RIMS2: variants seen among roughly 807,000 people sequenced by gnomAD.
RIMS2 encodes the protein regulating synaptic membrane exocytosis protein 2.
Under a neutral mutation model 174.4 loss-of-function variants are expected in RIMS2, and 59 were observed. That is an observed-to-expected ratio of 0.34 (90% CI 0.27 to 0.42). The LOEUF is 0.42. RIMS2 is among the 10% of genes least tolerant of loss of function. The pLI, the probability that RIMS2 is intolerant of heterozygous loss-of-function variation, is 1.00. For missense variants in RIMS2, 1,620 were observed against 1,666.3 expected (o/e 0.97, Z 0.48); for synonymous variants, 606 against 572.5 (o/e 1.06, Z -0.84).
chr8:103,899,596 T>C (rs534343032), intron 4 of RIMS2, among the ~76,000 whole-genome samples: 1 of 151,656 alleles, frequency 6.6e-6, no homozygotes, highest in South Asian at 2.1e-4. Context: ...TTTGTTTGAG[T>C]TCTTTGTAGA....
chr8:103,650,124 C>T (rs984845635), intron 1 of RIMS2, among the ~76,000 whole-genome samples: 9 of 151,996 alleles, frequency 5.9e-5, no homozygotes, highest in South Asian at 2.1e-4. Flanking sequence ...TTTTTATTGA[C>T]GTTGTTGTTG....
Position 103,568,993 on chromosome 8 carries a change from G to A in RIMS2, c.176+67931G>A, listed in dbSNP as rs190783612. 9.0e-4 allele frequency: 459 copies of A among 511,060 alleles called. 4 individuals carry two copies. Among genetic ancestry groups the A allele is most frequent in the Non-Finnish European group, 1.2e-3 (347 of 283,406 alleles). 31.7% of individuals were successfully genotyped at this position (511,060 alleles called of 1,614,324 possible). On this transcript the variant is annotated intron_variant, in intron 1 of 23. Coordinates refer to ENST00000504942, the Ensembl canonical transcript of RIMS2. ...ATGAGCTGATCACCGTGTTCCTATC[G>A]CTCTTTTCACTTTCTTGATGGAGGC...
intron 1 of RIMS2, among the ~76,000 whole-genome samples, chr8:103,695,079 T>A (rs1256563379): frequency 6.6e-6 from 1 of 152,208 alleles, no homozygotes; most frequent in Non-Finnish European, 1.5e-5. Flanking sequence ...TGTTCTCTCT[T>A]TTTCCCCCTA....
chr8:104,213,025 A>G (rs2099112411), intron 19 of RIMS2, among the ~76,000 whole-genome samples: 1 of 152,172 alleles, frequency 6.6e-6, no homozygotes, highest in Non-Finnish European at 1.5e-5. Flanking sequence ...AAACTTTCTC[A>G]GAAAAGTCTT....
intron 3 of RIMS2, among the ~76,000 whole-genome samples, chr8:103,770,776 T>C (rs1250331579): frequency 2.0e-5 from 3 of 152,138 alleles, no homozygotes; most frequent in Non-Finnish European, 4.4e-5. Flanking sequence ...CTTCTATCCT[T>C]CTCTTTCTGT....
intron 12 of RIMS2, among the ~76,000 whole-genome samples, chr8:103,932,906 C>T (rs1397796626): frequency 6.6e-6 from 1 of 152,100 alleles, no homozygotes; most frequent in Non-Finnish European, 1.5e-5. Flanking sequence ...CCTGTAATCC[C>T]AGCACTTTGG....
chr8:104,024,969 G>A (rs558954323), intron 19 of RIMS2, among the ~76,000 whole-genome samples: 3 of 152,210 alleles, frequency 2.0e-5, no homozygotes, highest in South Asian at 2.1e-4. Context: ...ATTCCTGAGG[G>A]CACTATCCCA....
At chr8:103,798,796 C>CAGGG (rs2098578343) in intron 3 of RIMS2, among the ~76,000 whole-genome samples, 1 of 152,066 alleles carries the variant, frequency 6.6e-6, no homozygotes, top group African/African-American at 2.4e-5. Context: ...TGGATGTTAC[C>CAGGG]TTACCTGGCA....
chr8:103,593,648 C>T (rs754513511), intron 1 of RIMS2, among the ~76,000 whole-genome samples: 2 of 151,360 alleles, frequency 1.3e-5, no homozygotes, highest in South Asian at 2.1e-4. Context: ...AATCCAGCCA[C>T]CTTCTACTAA....
chr8:104,025,194 A>T (rs2096222713), intron 19 of RIMS2, among the ~76,000 whole-genome samples: 1 of 152,210 alleles, frequency 6.6e-6, no homozygotes, highest in African/African-American at 2.4e-5. Context: ...CTTAGAACAA[A>T]TAGTTGTCAC....
intron 1 of RIMS2, among the ~76,000 whole-genome samples, chr8:103,605,999 C>G (rs953886450): frequency 1.1e-3 from 164 of 145,860 alleles, no homozygotes; most frequent in African/African-American, 3.7e-3. Context: ...TCTCTATTTC[C>G]TTCAGTTCTG....
At chr8:103,606,384 G>C (rs1414223525) in intron 1 of RIMS2, among the ~76,000 whole-genome samples, 5 of 151,806 alleles carry the variant, frequency 3.3e-5, no homozygotes, top group Non-Finnish European at 5.9e-5. Context: ...TATAATCTCT[G>C]TTCTTTTACA....
At chr8:104,213,122 G>A (rs976949334) in intron 19 of RIMS2, among the ~76,000 whole-genome samples, 1 of 152,080 alleles carries the variant, frequency 6.6e-6, no homozygotes, top group African/African-American at 2.4e-5. Flanking sequence ...GACCAGCCTG[G>A]CCAAAATGGT....
chr8:103,815,566 A>T (rs528440389), intron 3 of RIMS2, among the ~76,000 whole-genome samples: 2 of 152,154 alleles, frequency 1.3e-5, no homozygotes, highest in East Asian at 3.9e-4. Flanking sequence ...TCTCTGCTGG[A>T]CTCAATGTAA....
chr8:103,869,534 G>T (rs1023163491), intron 3 of RIMS2, among the ~76,000 whole-genome samples: 3 of 151,836 alleles, frequency 2.0e-5, no homozygotes, highest in Non-Finnish European at 2.9e-5. Context: ...TTTTGGCCAG[G>T]CTGGTCTGCA....
chr8:103,918,764 C>T (rs1300772152), intron 9 of RIMS2: 4 of 291,136 alleles, frequency 1.4e-5, no homozygotes, highest in South Asian at 7.2e-5. Flanking sequence ...TTAAAGTACA[C>T]AATTAGGTAA....
At chr8:103,873,228 A>C (rs758699026) in intron 3 of RIMS2, among the ~76,000 whole-genome samples, 1 of 152,100 alleles carries the variant, frequency 6.6e-6, no homozygotes, top group Non-Finnish European at 1.5e-5. Flanking sequence ...GGAAGTGAGC[A>C]TAAGTAGCAA....
chr8:103,882,020 C>G (rs1298572126), intron 3 of RIMS2, among the ~76,000 whole-genome samples: 1 of 151,422 alleles, frequency 6.6e-6, no homozygotes, highest in Admixed American at 6.6e-5. Flanking sequence ...CTCTTAATTT[C>G]TCAGGGTCTT....
intron 3 of RIMS2, among the ~76,000 whole-genome samples, chr8:103,869,627 A>G (rs2099100972): frequency 6.6e-6 from 1 of 152,080 alleles, no homozygotes; most frequent in Admixed American, 6.6e-5. Context: ...CCGATGAGGA[A>G]CACGCTTCTA....
Sources: allele counts gnomAD v4.1 joint callset (sites outside exome capture counted in the v4.1 genomes callset), GRCh38; gene constraint gnomAD v4.1.1; transcripts MANE v1.5; gene names NCBI Gene and HGNC (gene_info 2026-07-23, HGNC 2026-07-21).